COL4A5: variants seen among roughly 807,000 people sequenced by gnomAD.
The protein encoded by COL4A5 is collagen type IV alpha 5 chain.
A neutral mutation model predicts 130.2 loss-of-function variants in COL4A5; 26 were observed. That is an observed-to-expected ratio of 0.20 (90% CI 0.15 to 0.28). The LOEUF (loss-of-function observed/expected upper bound fraction) is 0.28, where lower values mean the gene tolerates loss of function less well. Among genes scored for constraint, COL4A5 ranks in the 10% least tolerant of loss-of-function variants. The pLI, the probability that COL4A5 is intolerant of heterozygous loss-of-function variation, is 1.00. For synonymous variants in COL4A5, 496 were observed against 439.6 expected, an observed-to-expected ratio of 1.13 and a Z score of -1.60; for missense variants, 1,131 against 1,344.3, an observed-to-expected ratio of 0.84 and a Z score of 2.48.
chrX:108,556,532 C>T (rs1380099176), intron 2 of COL4A5, among the ~76,000 whole-genome samples: 1 of 111,189 alleles, frequency 9.0e-6, no homozygotes, highest in Non-Finnish European at 1.9e-5. Flanking sequence ...AAGGAAAATA[C>T]GAATGATATT....
chrX:108,641,804 C>T (rs1286096028), intron 36 of COL4A5, among the ~76,000 whole-genome samples: 1 of 111,872 alleles, frequency 8.9e-6, no homozygotes, highest in African/African-American at 3.3e-5. Context: ...GGAGGGCAGC[C>T]AGAGGAGTGG....
intron 37 of COL4A5, 89 bp downstream of exon 37, chrX:108,655,546 AT>A: frequency 1.2e-5 from 13 of 1,047,172 alleles, no homozygotes; most frequent in Non-Finnish European, 1.6e-5. Flanking sequence ...TGGCAGACTT[AT>A]ATTTTATTTC....
intron 1 of COL4A5, among the ~76,000 whole-genome samples, chrX:108,469,169 CTTTTTT>C (rs529015725): frequency 1.5e-4 from 12 of 77,676 alleles, no homozygotes; most frequent in Admixed American, 1.4e-3. Flanking sequence ...CTCTCTCTCT[CTTTTTT>C]TTTTTTTTTT....
rs771538814 is a variant in COL4A5, at chrX:108,666,534, G to A, written c.3493G>A (p.Glu1165Lys). Residue 1165 changes from glutamate to lysine, a missense_variant, in exon 39 of 53, where the codon GAA becomes AAA. Transcript: ENST00000328300. ...GHPGQPGPPG[E>K]KGKPGQDGIP... ...TCCTGGGCAACCAGGGCCTCCAGGC[G>A]AAAAAGGCAAACCCGGTCAAGATGG... 2.0e-5 allele frequency: 24 copies of A among 1,207,469 alleles called. No homozygotes were observed. The highest frequency in any genetic ancestry group is 5.9e-5 in the East Asian group (2 of 33,641).
At chrX:108,669,983 T>G in intron 41 of COL4A5, 2 of 374,014 alleles carry the variant, frequency 5.3e-6, no homozygotes, top group Non-Finnish European at 4.6e-6. Context: ...CAATGACTTT[T>G]GGCCTTTAAA....
At chrX:108,646,139 C>G (rs2067581283) in intron 36 of COL4A5, among the ~76,000 whole-genome samples, 1 of 110,706 alleles carries the variant, frequency 9.0e-6, no homozygotes, top group South Asian at 3.8e-4. Flanking sequence ...GTTCTAGAAC[C>G]CTGAGGAATT....
chrX:108,508,557 CAAAAAA>C (rs1182036182), intron 1 of COL4A5, among the ~76,000 whole-genome samples: 14 of 38,181 alleles, frequency 3.7e-4, no homozygotes, highest in South Asian at 1.8e-3. Context: ...CATGTAGGAC[CAAAAAA>C]AAAAAAAAAA....
At chrX:108,496,223 T>C (rs769006605) in intron 1 of COL4A5, among the ~76,000 whole-genome samples, 26 of 112,055 alleles carry the variant, frequency 2.3e-4, no homozygotes, top group Non-Finnish European at 4.3e-4. Context: ...CTAAGAACAT[T>C]TTAGCTACAC....
At chrX:108,479,443 G>A (rs968470616) in intron 1 of COL4A5, among the ~76,000 whole-genome samples, 1 of 112,263 alleles carries the variant, frequency 8.9e-6, no homozygotes, top group South Asian at 3.7e-4. Flanking sequence ...CCCTTCACTG[G>A]TGTCCTTCAG....
In COL4A5 at chrX:108,668,167, G is replaced by T. The variant is rs2068123123; in HGVS notation, c.3605-152G>T. On this transcript the variant is annotated intron_variant, in intron 40 of 52. Coordinates refer to ENST00000328300, the MANE Select transcript of COL4A5 (RefSeq NM_033380.3). ...ACAAATGCATATATTTAATAGGAAG[G>T]ATGGTTTTCTGGGTAGATTTGGGAT... 3.8e-5 allele frequency: 19 copies of T among 500,290 alleles called. No individual in the cohort carries two copies. In the South Asian group the frequency reaches 5.9e-4, roughly 16 times the overall value. The allele number at this position is 500,290 out of a possible 1,213,427, so 41.2% of individuals were successfully genotyped here.
At chrX:108,663,956 G>T (rs1316967175) in intron 37 of COL4A5, among the ~76,000 whole-genome samples, 1 of 111,857 alleles carries the variant, frequency 8.9e-6, no homozygotes, top group Non-Finnish European at 1.9e-5. Flanking sequence ...TGAGGCTGAG[G>T]CGGGCAGATC....
chrX:108,580,702 A>G lies in COL4A5; in HGVS notation c.855A>G (p.Lys285=). Residue 285 remains lysine, a synonymous_variant, in exon 15 of 53, where the codon AAA becomes AAG. Transcript: ENST00000328300. The part of the protein sequence containing the change: ...RGPPGPPGGE[K]GEKGEQGEPG... ...TACAGGGTCCCCCAGGTGGTGAGAA[A>G]GGTGAGAAGGGTGAGCAAGGAGAGC... 5.0e-6 allele frequency: 6 copies of G among 1,211,010 alleles called. No homozygotes were observed. The highest frequency in any genetic ancestry group is 6.7e-6 in the Non-Finnish European group (6 of 894,839).
chrX:108,517,753 T>C (rs1366088020), intron 1 of COL4A5, among the ~76,000 whole-genome samples: 1 of 111,938 alleles, frequency 8.9e-6, no homozygotes, highest in East Asian at 2.8e-4. Flanking sequence ...ACTTCAAAAC[T>C]TTGGGAATGC....
In COL4A5 at chrX:108,603,070, C is replaced by A; in HGVS notation, c.2244+9C>A. On this transcript the variant is annotated intron_variant, in intron 28 of 52. Coordinates refer to ENST00000328300, the MANE Select transcript of COL4A5 (RefSeq NM_033380.3). ...GCTTTCCAGGACCAAAGGTCTGGGA[C>A]ATTTTTCTTTATTCCTTCTCATTTT... 1 of 1,088,846 alleles carries A rather than the reference C, an allele frequency of 9.2e-7. No individual in the cohort carries two copies. The highest frequency in any genetic ancestry group is 1.3e-6 in the Non-Finnish European group (1 of 794,889). 89.7% of individuals were successfully genotyped at this position (1,088,846 alleles called of 1,213,427 possible).
intron 41 of COL4A5, 157 bp from the exon 42 acceptor site, chrX:108,670,071 A>G: frequency 1.7e-6 from 1 of 577,974 alleles, no homozygotes; most frequent in African/African-American, 2.3e-5. Flanking sequence ...AGATGCATGG[A>G]TATGAACTTT....
intron 1 of COL4A5, among the ~76,000 whole-genome samples, chrX:108,443,758 AT>A (rs1402591325): frequency 9.0e-6 from 1 of 111,244 alleles, no homozygotes; most frequent in Non-Finnish European, 1.9e-5. Context: ...TAAAGTCACT[AT>A]TTTTTCTTTT....
chrX:108,612,127 G>A (rs1177424020), intron 29 of COL4A5, among the ~76,000 whole-genome samples: 2 of 111,160 alleles, frequency 1.8e-5, no homozygotes, highest in Non-Finnish European at 3.8e-5. Flanking sequence ...AGAAAATTAG[G>A]AATAAAAGGG....
intron 49 of COL4A5, among the ~76,000 whole-genome samples, chrX:108,691,693 CTG>C (rs928738483): frequency 2.9e-4 from 32 of 111,148 alleles, no homozygotes; most frequent in Non-Finnish European, 6.0e-4. Flanking sequence ...TAGGAAAAAA[CTG>C]TGTGAGAAAA....
chrX:108,536,650 A>G (rs2065462656), intron 1 of COL4A5, among the ~76,000 whole-genome samples: 2 of 111,385 alleles, frequency 1.8e-5, no homozygotes, highest in Admixed American at 1.9e-4. Flanking sequence ...GTTGAAGTCC[A>G]GGTATTCACT....
Sources: allele counts gnomAD v4.1 joint callset (sites outside exome capture counted in the v4.1 genomes callset), GRCh38; gene constraint gnomAD v4.1.1; transcripts MANE v1.5; gene names NCBI Gene and HGNC (gene_info 2026-07-23, HGNC 2026-07-21).